Variants in LTN1 observed in about 807,000 individuals in gnomAD.
The protein encoded by LTN1 is E3 ubiquitin-protein ligase listerin.
A neutral mutation model predicts 201.2 loss-of-function variants in LTN1; 88 were observed. That is an observed-to-expected ratio of 0.44 (90% CI 0.37 to 0.52). The LOEUF is 0.52. Among genes scored for constraint, LTN1 ranks in the 20% least tolerant of loss-of-function variants. The pLI is 0.00. For missense variants in LTN1, 1,752 were observed against 2,038.7 expected, an observed-to-expected ratio of 0.86 and a Z score of 2.71; for synonymous variants, 645 against 713.5, an observed-to-expected ratio of 0.90 and a Z score of 1.53.
intron 6 of LTN1, among the ~76,000 whole-genome samples, chr21:28,976,818 G>A (rs182910858): frequency 5.6e-4 from 86 of 152,214 alleles, no homozygotes; most frequent in African/African-American, 2.0e-3. Context: ...CAGTGGCAGT[G>A]CAATCAAAGC....
Position 28,931,183 on chromosome 21 carries a change from C to T in LTN1, c.5210G>A (p.Cys1737Tyr), listed in dbSNP as rs1317028095. The change falls in exon 29 of 30, where the codon TGC (cysteine) becomes TAC (tyrosine). Residue 1737 changes from cysteine to tyrosine, a missense_variant. By Grantham distance (194) the Cys-to-Tyr change is radical. Around this residue, in one of 3 missense-constraint regions of LTN1, gnomAD observed 261 missense variants for 350.1 expected, o/e 0.75. Transcript: ENST00000361371. ...GCAGGCTGAATGGAATTTTTTCTTGCATGTTCTACAGGCTTTTTTGGGAAG... is the reference window on the plus strand; with the variant it reads ...GCAGGCTGAATGGAATTTTTTCTTGTATGTTCTACAGGCTTTTTTGGGAAG... ...YSLPKKACRT[C>Y]KKKFHSACLY... The T allele has an allele frequency of 1.2e-6, 2 of 1,610,642 alleles. No individual in the cohort carries two copies. The highest frequency in any genetic ancestry group is 1.7e-6 in the Non-Finnish European group (2 of 1,179,016).
At position 28,946,200 on chromosome 21, in the gene LTN1, A is replaced by G. The variant is rs1359170432; in HGVS notation, c.3575T>C (p.Ile1192Thr). The G allele has an allele frequency of 1.3e-6, 2 of 1,588,132 alleles. No individual in the cohort carries two copies. Among genetic ancestry groups the G allele is most frequent in the Non-Finnish European group, 1.7e-6 (2 of 1,168,114 alleles). ...ATGCTCTTTCTTCCAGGATATTATG[A>G]TTTTTAATATTCCATGTAATAGCTC... ...DGELLHGILK[I>T]IISWKKEHED... The change falls in exon 20 of 30, where the codon ATC (isoleucine) becomes ACC (threonine). Residue 1192 changes from isoleucine to threonine, a missense_variant. Coordinates refer to ENST00000361371, the MANE Select transcript of LTN1 (RefSeq NM_015565.3).
Position 28,986,784 on chromosome 21 carries a change from A to T in LTN1, c.193T>A (p.Phe65Ile). The change falls in exon 2 of 30, where the codon TTC becomes ATC. Residue 65 changes from phenylalanine to isoleucine, a missense_variant. Phe to Ile is a conservative substitution (Grantham distance 21). Transcript: ENST00000361371. This position sits in a 1 kb window ranked among gnomAD's most constrained non-coding sequence, Gnocchi z 4.1. Reference sequence around the variant, plus strand: ...GAAAGTTTCCGCAGCACCATTCGGAAATCAGAATCTACAAGACTGTCAATT... The same window carrying T: ...GAAAGTTTCCGCAGCACCATTCGGATATCAGAATCTACAAGACTGTCAATT... ...EEIDSLVDSD[F>I]RMVLRKLSKK... 1 of 1,614,130 alleles carries T rather than the reference A, an allele frequency of 6.2e-7. No homozygotes were observed. The highest frequency in any genetic ancestry group is 1.1e-5 in the South Asian group (1 of 91,064).
Position 28,971,441 on chromosome 21 carries a change from G to A in LTN1, c.814C>T (p.Arg272Cys), listed in dbSNP as rs2084574210. 1.9e-6 allele frequency: 3 copies of A among 1,610,170 alleles called. No individual in the cohort carries two copies. The highest frequency in any genetic ancestry group is 2.5e-6 in the Non-Finnish European group (3 of 1,178,592). ...GAGACTAACTCAAAATAAGCTGAGC[G>A]AATCTAAAAGAATGCAAAGCTGAAT... Reference protein sequence around the residue: ...KYGKHSVPQIRSAYFELVSAL... With the variant: ...KYGKHSVPQICSAYFELVSAL... Residue 272 changes from arginine (R) to cysteine (C), a missense_variant, in exon 7 of 30, where the codon CGC becomes TGC. By Grantham distance (180) the Arg-to-Cys change is radical. Coordinates refer to ENST00000361371, the MANE Select transcript of LTN1 (RefSeq NM_015565.3).
intron 1 of LTN1, among the ~76,000 whole-genome samples, chr21:28,989,408 T>A (rs1275645789): frequency 1.3e-5 from 2 of 152,152 alleles, no homozygotes; most frequent in African/African-American, 4.8e-5. Flanking sequence ...GATCTTTGTA[T>A]GTTAAGTGCT....
chr21:28,973,002 C>T (rs1412351992), intron 6 of LTN1, among the ~76,000 whole-genome samples: 1 of 152,120 alleles, frequency 6.6e-6, no homozygotes, highest in Non-Finnish European at 1.5e-5. Context: ...ATCTTCAACA[C>T]AAAAATAACT....
intron 16 of LTN1, among the ~76,000 whole-genome samples, chr21:28,956,349 T>C (rs764939873): frequency 1.3e-5 from 2 of 152,250 alleles, no homozygotes; most frequent in African/African-American, 2.4e-5. Context: ...ACACATTCTA[T>C]GTATATATCA....
chr21:28,976,344 A>G (rs2084615009), intron 6 of LTN1, among the ~76,000 whole-genome samples: 1 of 152,222 alleles, frequency 6.6e-6, no homozygotes, highest in Non-Finnish European at 1.5e-5. Context: ...TCACACCTGT[A>G]TTCCCAGCAC....
intron 21 of LTN1, 149 bp from the exon 22 acceptor site, chr21:28,944,745 T>C (rs1025851729): frequency 5.0e-6 from 3 of 599,388 alleles, no homozygotes; most frequent in Non-Finnish European, 8.7e-6. Context: ...AAACATAAAA[T>C]TTTACATCAA....
rs1271681727 is a variant in LTN1 at position 28,970,635 on chromosome 21, C to A, written c.1092G>T (p.Leu364=). The A allele has an allele frequency of 6.2e-7, 1 of 1,613,824 alleles. No individual in the cohort carries two copies. Among genetic ancestry groups the A allele is most frequent in the South Asian group, 1.1e-5 (1 of 91,070 alleles). Residue 364 remains leucine, a synonymous_variant, in exon 8 of 30, where the codon CTG becomes CTT. Transcript: ENST00000361371. ...ACTGAGGGAGCTTGCTGATGAATGG[C>A]AGAAGGTAAGGATATATGACAGTAG... ...GLATVIYPYL[L]PFISKLPQSI... is the part of the protein sequence containing the mutation.
At chr21:28,952,678 A>G (rs547030689) in intron 17 of LTN1, among the ~76,000 whole-genome samples, 3 of 152,240 alleles carry the variant, frequency 2.0e-5, no homozygotes, top group Non-Finnish European at 2.9e-5. Context: ...GCGATTGGAA[A>G]GGAAGCCTGG....
chr21:28,934,129 G>GCTA (rs146079121), intron 27 of LTN1, among the ~76,000 whole-genome samples: 27,977 of 151,980 alleles, frequency 0.18, 2,648 homozygotes, highest in South Asian at 0.24. Flanking sequence ...CTCTTAATAT[G>GCTA]CTACTTTCCA....
chr21:28,976,533 G>C (rs1427422084), intron 6 of LTN1, among the ~76,000 whole-genome samples: 4 of 150,906 alleles, frequency 2.7e-5, no homozygotes, highest in African/African-American at 4.9e-5. Context: ...CCAAGAGGCA[G>C]AGGTTGCAGT....
At chr21:28,978,478 A>C (rs1054588190) in intron 6 of LTN1, among the ~76,000 whole-genome samples, 13 of 152,262 alleles carry the variant, frequency 8.5e-5, no homozygotes, top group African/African-American at 3.1e-4. Context: ...CCAAATGAAA[A>C]GGTAGATTAT....
At chr21:28,967,418 C>G (rs1165698991) in intron 9 of LTN1, among the ~76,000 whole-genome samples, 1 of 152,058 alleles carries the variant, frequency 6.6e-6, no homozygotes, top group Non-Finnish European at 1.5e-5. Context: ...AGAAAGGTAG[C>G]TAAAGGTTAA....
intron 1 of LTN1, among the ~76,000 whole-genome samples, chr21:28,988,795 G>A (rs1040911183): frequency 5.9e-5 from 9 of 151,638 alleles, no homozygotes; most frequent in Middle Eastern, 3.2e-3. Flanking sequence ...GTGAAACGCC[G>A]TCTCTACTAA....
intron 27 of LTN1, among the ~76,000 whole-genome samples, chr21:28,934,738 T>C (rs1601161458): frequency 5.9e-5 from 9 of 152,310 alleles, no homozygotes; most frequent in Admixed American, 5.2e-4. Context: ...ATTACAGGCA[T>C]GAGCCACTGC....
At chr21:28,988,185 G>A (rs1268922877) in intron 1 of LTN1, among the ~76,000 whole-genome samples, 3 of 149,932 alleles carry the variant, frequency 2.0e-5, no homozygotes, top group East Asian at 1.9e-4. Context: ...TGCTCATACC[G>A]GCCAGGCAAG....
Position 28,986,612 on chromosome 21 carries a change from C to A in LTN1, c.246+119G>T. 1.3e-6 allele frequency: 1 copy of A among 762,694 alleles called. No homozygotes were observed. The highest frequency in any genetic ancestry group is 2.1e-6 in the Non-Finnish European group (1 of 473,912). The allele number at this position is 762,694 out of a possible 1,614,324, so 47.2% of individuals were successfully genotyped here. A position where few individuals can be genotyped will look rare whatever the true frequency, so the allele number is the denominator to read the frequency against. On this transcript the variant is annotated intron_variant, in intron 2 of 29. Coordinates refer to ENST00000361371, the MANE Select transcript of LTN1 (RefSeq NM_015565.3). This position sits in a 1 kb window ranked among gnomAD's most constrained non-coding sequence, Gnocchi z 4.1. ...TAAGACTCTGTGTCAGAAAAAAGTA[C>A]AATTATAAAAGAACTTAGCAATAAA...
Sources: gnomAD v4.1 joint callset for allele counts (sites outside exome capture counted in the v4.1 genomes callset) on GRCh38, gnomAD v4.1.1 for gene constraint, gnomAD v4.1.1 regional missense constraint, Gnocchi (gnomAD v3.1) non-coding constraint, MANE v1.5 for transcripts, NCBI Gene and HGNC (gene_info 2026-07-23, HGNC 2026-07-21) for gene names.